Variants in SORCS2 observed in about 807,000 individuals in gnomAD.
The protein encoded by SORCS2 is VPS10 domain-containing receptor SorCS2.
In SORCS2, 100 loss-of-function variants were observed where a neutral mutation model predicts 141.6. The observed-to-expected ratio is 0.71, with a 90% CI of 0.60 to 0.83. SORCS2 has a LOEUF of 0.83. SORCS2 is among the 40% of genes least tolerant of loss of function. SORCS2 has a pLI of 0.00. For missense variants in SORCS2, 1,646 were observed against 1,560.2 expected, an observed-to-expected ratio of 1.05 and a Z score of -0.93; for synonymous variants, 789 against 676.9, an observed-to-expected ratio of 1.17 and a Z score of -2.57.
intron 2 of SORCS2, among the ~76,000 whole-genome samples, chr4:7,465,703 A>T (rs1729574474): frequency 6.6e-6 from 1 of 152,278 alleles, no homozygotes; most frequent in Admixed American, 6.5e-5. Flanking sequence ...CACCAAGGAC[A>T]ATAAGGCTTC....
At chr4:7,350,165 A>G (rs1237455516) in intron 1 of SORCS2, among the ~76,000 whole-genome samples, 1 of 152,138 alleles carries the variant, frequency 6.6e-6, no homozygotes, top group Non-Finnish European at 1.5e-5. Flanking sequence ...AACCCACCCC[A>G]TGGCTGCGGA....
At chr4:7,278,442 G>A (rs984713666) in intron 1 of SORCS2, among the ~76,000 whole-genome samples, 1 of 152,232 alleles carries the variant, frequency 6.6e-6, no homozygotes, top group Admixed American at 6.5e-5. Flanking sequence ...CCCAAGAGTT[G>A]TTCATGAGGA....
At chr4:7,368,759 G>A (rs1266112441) in intron 1 of SORCS2, among the ~76,000 whole-genome samples, 1 of 152,176 alleles carries the variant, frequency 6.6e-6, no homozygotes, top group Non-Finnish European at 1.5e-5. Context: ...GTTTGGCTGT[G>A]TCCCCACCCA....
chr4:7,471,508 C>A (rs1355589454), intron 2 of SORCS2, among the ~76,000 whole-genome samples: 2 of 152,232 alleles, frequency 1.3e-5, no homozygotes, highest in Non-Finnish European at 2.9e-5. Flanking sequence ...GGCCACGTCC[C>A]CTTCGTTCCA....
chr4:7,545,966 C>G (rs1041180509), intron 3 of SORCS2, among the ~76,000 whole-genome samples: 1 of 152,176 alleles, frequency 6.6e-6, no homozygotes, highest in Non-Finnish European at 1.5e-5. Flanking sequence ...TTACAGGTGG[C>G]TGCCTTCTCG....
At position 7,638,312 on chromosome 4, in the gene SORCS2, C is replaced by G. The variant is rs767460080; in HGVS notation, c.649-16C>G. 6.0e-6 allele frequency: 9 copies of G among 1,497,258 alleles called. No homozygotes were observed. The highest frequency in any genetic ancestry group is 7.1e-6 in the Non-Finnish European group (8 of 1,127,844). 92.7% of individuals were successfully genotyped at this position (1,497,258 alleles called of 1,614,324 possible). A position where few individuals can be genotyped will look rare whatever the true frequency, so the allele number is the denominator to read the frequency against. On this transcript the variant is annotated splice_polypyrimidine_tract_variant and intron_variant, in intron 3 of 26. Coordinates refer to ENST00000507866, the MANE Select transcript of SORCS2 (RefSeq NM_020777.3). ...GGGCACCTGGCCCAGGCCTCACAAC[C>G]CGCTTTGTGTTTCAGGTCATCCTTG...
chr4:7,378,255 G>A (rs1722777452), intron 1 of SORCS2, among the ~76,000 whole-genome samples: 1 of 152,174 alleles, frequency 6.6e-6, no homozygotes, highest in African/African-American at 2.4e-5. Flanking sequence ...CTTCTCTTCA[G>A]GCTAATGTGT....
intron 8 of SORCS2, among the ~76,000 whole-genome samples, chr4:7,675,426 C>A (rs1409770692): frequency 1.3e-5 from 2 of 152,194 alleles, no homozygotes; most frequent in Non-Finnish European, 2.9e-5. Context: ...AGAAGTCTGG[C>A]ACATGTACAG....
chr4:7,192,725 C>CCGCCGCGCT lies in SORCS2; in HGVS notation c.92_100dup (p.Pro31_Ser33dup), dbSNP rs1024838599. ...AGCCCCGAGCCCCGGGGCTCCGCCG[C>CCGCCGCGCT]CGCCGCGCTCGCCGCGCTCGCGGCC... On this transcript the variant is annotated inframe_insertion, in exon 1 of 27. Coordinates refer to ENST00000507866, the MANE Select transcript of SORCS2 (RefSeq NM_020777.3). The surrounding 1 kb of genome is among the most constrained non-coding windows in gnomAD (Gnocchi z 4.0). 2.2e-4 allele frequency: 222 copies of CCGCCGCGCT among 990,650 alleles called. No homozygotes were observed. The highest frequency in any genetic ancestry group is 1.5e-3 in the Middle Eastern group (3 of 1,960). The allele number at this position is 990,650 out of a possible 1,614,324, so 61.4% of individuals were successfully genotyped here. A position where few individuals can be genotyped will look rare whatever the true frequency, so the allele number is the denominator to read the frequency against.
intron 4 of SORCS2, among the ~76,000 whole-genome samples, chr4:7,642,558 T>C (rs1389660218): frequency 6.6e-6 from 1 of 152,226 alleles, no homozygotes; most frequent in African/African-American, 2.4e-5. Context: ...ATGCAGTTTT[T>C]CAAAGCTAAT....
intron 21 of SORCS2, among the ~76,000 whole-genome samples, chr4:7,727,816 T>G (rs1405113298): frequency 6.6e-6 from 1 of 152,148 alleles, no homozygotes; most frequent in Non-Finnish European, 1.5e-5. Context: ...CCTGGTGACT[T>G]TAGAATTGGG....
chr4:7,515,637 G>A (rs947868785), intron 2 of SORCS2, among the ~76,000 whole-genome samples: 1 of 152,180 alleles, frequency 6.6e-6, no homozygotes, highest in Non-Finnish European at 1.5e-5. Context: ...CCCGTGCCCT[G>A]CAGACGTAAG....
At chr4:7,614,811 C>G (rs1016869768) in intron 3 of SORCS2, among the ~76,000 whole-genome samples, 2 of 151,820 alleles carry the variant, frequency 1.3e-5, no homozygotes, top group Non-Finnish European at 2.9e-5. Context: ...CACCTATCCA[C>G]CAACCACCAT....
At chr4:7,608,544 C>T (rs1175202439) in intron 3 of SORCS2, among the ~76,000 whole-genome samples, 3 of 152,168 alleles carry the variant, frequency 2.0e-5, no homozygotes, top group African/African-American at 7.2e-5. Flanking sequence ...TTCTGACAAA[C>T]ATGAGGGAAG....
At chr4:7,563,158 G>A (rs1315101839) in intron 3 of SORCS2, among the ~76,000 whole-genome samples, 2 of 152,234 alleles carry the variant, frequency 1.3e-5, no homozygotes, top group East Asian at 3.9e-4. Context: ...GGGTGAGATG[G>A]CAGAGTGGGG....
chr4:7,335,528 G>A (rs140446404), intron 1 of SORCS2, among the ~76,000 whole-genome samples: 11 of 152,250 alleles, frequency 7.2e-5, no homozygotes, highest in African/African-American at 1.2e-4. Context: ...CTCTTGCTCC[G>A]GCCCGAGGCC....
At chr4:7,459,055 T>A (rs1298792455) in intron 2 of SORCS2, among the ~76,000 whole-genome samples, 1 of 151,728 alleles carries the variant, frequency 6.6e-6, no homozygotes, top group Non-Finnish European at 1.5e-5. Flanking sequence ...AAAGGCCACG[T>A]CCTCCCCGAT....
intron 14 of SORCS2, among the ~76,000 whole-genome samples, chr4:7,707,437 G>T (rs1396985763): frequency 6.6e-6 from 1 of 152,224 alleles, no homozygotes; most frequent in Non-Finnish European, 1.5e-5. Flanking sequence ...CTGAGATTGC[G>T]TGGGGCACAA....
intron 1 of SORCS2, among the ~76,000 whole-genome samples, chr4:7,366,310 C>G (rs980177118): frequency 6.6e-6 from 1 of 152,002 alleles, no homozygotes. Flanking sequence ...AGTAGTGGCT[C>G]CACCTGGCCT....
Sources: gnomAD v4.1 joint callset for allele counts (sites outside exome capture counted in the v4.1 genomes callset) on GRCh38, gnomAD v4.1.1 for gene constraint, Gnocchi (gnomAD v3.1) non-coding constraint, MANE v1.5 for transcripts, NCBI Gene and HGNC (gene_info 2026-07-23, HGNC 2026-07-21) for gene names.